Variants in FRY observed in about 807,000 individuals in gnomAD.
FRY encodes the protein FRY microtubule binding protein, also known as protein furry homolog.
In FRY, 128 loss-of-function variants were observed where a neutral mutation model predicts 348.4. The observed-to-expected ratio is 0.37, with a 90% CI of 0.32 to 0.43. FRY has a LOEUF of 0.43. Ranked by LOEUF, FRY falls within the 20% of genes least tolerant of loss-of-function variation. The pLI, the probability that FRY is intolerant of heterozygous loss-of-function variation, is 1.00. For synonymous variants in FRY, 1,370 were observed against 1,374.7 expected, an observed-to-expected ratio of 1.00 and a Z score of 0.08; for missense variants, 2,736 against 3,695.2, an observed-to-expected ratio of 0.74 and a Z score of 6.73.
Position 32,267,211 on chromosome 13 carries a change from CCTT to C in FRY, c.7994_7996del (p.Phe2665del), listed in dbSNP as rs753531535. On this transcript the variant is annotated inframe_deletion, in exon 55 of 61. Transcript: ENST00000542859. ...AGGGGAGTCTCTCCCCCTCCCTCGC[CCTT>C]CTTCTCAGCCATCCTTGCCGCCTTT... 68 of 1,614,092 alleles carry C rather than the reference CCTT, an allele frequency of 4.2e-5. No individual in the cohort carries two copies. Among genetic ancestry groups the C allele is most frequent in the Non-Finnish European group, 5.6e-5 (66 of 1,180,046 alleles).
chr13:32,251,274 A>G (rs1320735603), intron 49 of FRY, among the ~76,000 whole-genome samples: 2 of 152,234 alleles, frequency 1.3e-5, no homozygotes, highest in African/African-American at 4.8e-5. Context: ...AGGTTTATGA[A>G]GGAAAGGAAC....
rs752838873 is a variant in FRY, at chr13:32,247,522, A to G, written c.7008+20A>G. 4.4e-6 allele frequency: 7 copies of G among 1,580,142 alleles called. 1 individual carries two copies. In the East Asian group the frequency reaches 1.6e-4, roughly 35 times the overall value. ...TCGGAGGTACTTAGCTATGTTAACT[A>G]TTTCTGTGAACTTTAGCATGAATTT... On this transcript the variant is annotated intron_variant, in intron 48 of 60. Transcript: ENST00000542859.
At chr13:32,251,766 C>A in intron 49 of FRY, 112 bp from the exon 50 acceptor site, 1 of 748,976 alleles carries the variant, frequency 1.3e-6, no homozygotes, top group East Asian at 2.5e-5. Flanking sequence ...TTTTACATTT[C>A]ATTCTGTCTA....
chr13:32,265,707 G>C, intron 54 of FRY, 91 bp downstream of exon 54: 1 of 1,258,750 alleles, frequency 7.9e-7, no homozygotes, highest in Non-Finnish European at 1.1e-6. Flanking sequence ...CAGTTGCACT[G>C]CTGGGACATC....
intron 11 of FRY, among the ~76,000 whole-genome samples, chr13:32,137,263 A>G (rs1307347136): frequency 6.6e-6 from 1 of 152,232 alleles, no homozygotes; most frequent in Non-Finnish European, 1.5e-5. Context: ...GTCACATTTT[A>G]TCTAAATGAT....
intron 49 of FRY, among the ~76,000 whole-genome samples, chr13:32,251,377 T>C (rs538735467): frequency 1.3e-5 from 2 of 152,356 alleles, no homozygotes; most frequent in South Asian, 4.1e-4. Context: ...AGTATTCTTC[T>C]ATTTGAGAAA....
At chr13:32,284,589 GA>G (rs1888961112) in intron 58 of FRY, among the ~76,000 whole-genome samples, 1 of 152,162 alleles carries the variant, frequency 6.6e-6, no homozygotes, top group Admixed American at 6.5e-5. Context: ...AGCTTTGAGG[GA>G]TATTTATGAC....
At chr13:32,105,718 T>A (rs1877493196) in intron 3 of FRY, among the ~76,000 whole-genome samples, 1 of 152,188 alleles carries the variant, frequency 6.6e-6, no homozygotes, top group Non-Finnish European at 1.5e-5. Flanking sequence ...TTAGTACTTA[T>A]ATGTGATAGG....
rs533765678 is a variant in FRY at position 32,183,832 on chromosome 13, G to A, written c.3055-768G>A. ...AGGAGGCTTCTCATATAGTAGCAATGATACAAGAAATAGCAGAAATTAGGT... is the reference window on the plus strand; with the variant it reads ...AGGAGGCTTCTCATATAGTAGCAATAATACAAGAAATAGCAGAAATTAGGT... On this transcript the variant is annotated intron_variant, in intron 24 of 60. Transcript: ENST00000542859. Among the ~76,000 whole-genome samples, 16 of 147,848 alleles carry A rather than the reference G, an allele frequency of 1.1e-4. No homozygotes were observed. In the South Asian group the frequency reaches 3.5e-3, roughly 32 times the overall value.
rs572521729 is a variant in FRY, at chr13:32,039,498, C to G, written c.70+7633C>G. ...CTCTCTGTCTCTCTCCCACCTCCCC[C>G]CCCATACGTGTGTGAGAGAGAAAAT... On this transcript the variant is annotated intron_variant, in intron 1 of 60. Transcript: ENST00000542859. Among the ~76,000 whole-genome samples the G allele has an allele frequency of 2.0e-4, 30 of 152,212 alleles. No individual in the cohort carries two copies. The South Asian group carries it at 5.8e-3, about 30-fold the overall frequency.
intron 1 of FRY, among the ~76,000 whole-genome samples, chr13:32,064,685 C>A (rs747575072): frequency 1.3e-5 from 2 of 152,136 alleles, no homozygotes; most frequent in Non-Finnish European, 2.9e-5. Flanking sequence ...GGCTGTTCAA[C>A]CTTTGGCTGT....
At chr13:32,272,855 C>A (rs1888274068) in intron 55 of FRY, among the ~76,000 whole-genome samples, 1 of 151,998 alleles carries the variant, frequency 6.6e-6, no homozygotes, top group African/African-American at 2.4e-5. Context: ...CCTGCCTCAG[C>A]CTCCCAAGTA....
At position 32,224,782 on chromosome 13, in the gene FRY, G is replaced by A. The variant is rs1593765823; in HGVS notation, c.4917-151G>A. ...TCTTATTGTTGTGGAGCTCTATGCT[G>A]TGTTACAAGTTAAACTCTATTTCCC... On this transcript the variant is annotated intron_variant, in intron 37 of 60. Transcript: ENST00000542859. The A allele has an allele frequency of 4.4e-6, 3 of 680,158 alleles. No homozygotes were observed. The East Asian group carries it at 8.1e-5, about 18-fold the overall frequency. 42.1% of individuals were successfully genotyped at this position (680,158 alleles called of 1,614,324 possible).
At position 32,295,978 on chromosome 13, in the gene FRY, T is replaced by C. The variant is rs1313188532; in HGVS notation, c.*518T>C. The C allele has an allele frequency of 5.9e-6, 1 of 169,166 alleles. No individual in the cohort carries two copies. Among genetic ancestry groups the C allele is most frequent in the East Asian group, 1.6e-4 (1 of 6,290 alleles). 10.5% of individuals were successfully genotyped at this position (169,166 alleles called of 1,614,324 possible). A position where few individuals can be genotyped will look rare whatever the true frequency, so the allele number is the denominator to read the frequency against. ...AAGCTGGCCACTGAAAACTGTAAGA[T>C]GGTCAAAAGCTGACAGCCTGTGTAT... On this transcript the variant is annotated 3_prime_UTR_variant, in exon 61 of 61. Coordinates refer to ENST00000542859, the MANE Select transcript of FRY (RefSeq NM_023037.3).
chr13:32,188,357 T>C (rs990130284), intron 28 of FRY, among the ~76,000 whole-genome samples: 15 of 152,080 alleles, frequency 9.9e-5, no homozygotes, highest in Admixed American at 9.8e-4. Context: ...TTAGAGATTT[T>C]TTTAAGATGA....
chr13:32,080,689 A>G (rs1400824827), intron 2 of FRY, among the ~76,000 whole-genome samples: 2 of 152,178 alleles, frequency 1.3e-5, no homozygotes, highest in Non-Finnish European at 2.9e-5. Flanking sequence ...CAACCCCTTG[A>G]GAGACACTGA....
intron 52 of FRY, 83 bp from the exon 53 acceptor site, chr13:32,262,230 AT>A: frequency 9.1e-7 from 1 of 1,104,210 alleles, no homozygotes; most frequent in South Asian, 1.3e-5. Context: ...ATTAAGACGT[AT>A]TAACCAACAA....
intron 55 of FRY, among the ~76,000 whole-genome samples, chr13:32,274,202 AT>A (rs148842477): frequency 0.025 from 3,849 of 152,208 alleles, 124 homozygotes; most frequent in Admixed American, 0.097. Flanking sequence ...CTCATGCGAT[AT>A]TTTTATAAAG....
intron 36 of FRY, among the ~76,000 whole-genome samples, chr13:32,221,715 G>T (rs748122058): frequency 1.4e-4 from 21 of 152,178 alleles, no homozygotes; most frequent in Non-Finnish European, 2.9e-4. Flanking sequence ...GTTTCACCAT[G>T]CTGGCCACAC....
Sources: gnomAD v4.1 joint callset for allele counts (sites outside exome capture counted in the v4.1 genomes callset) on GRCh38, gnomAD v4.1.1 for gene constraint, MANE v1.5 for transcripts, NCBI Gene and HGNC (gene_info 2026-07-23, HGNC 2026-07-21) for gene names.